CSMD2: variants seen among roughly 807,000 people sequenced by gnomAD.
CSMD2 encodes the protein CUB and sushi domain-containing protein 2.
CSMD2 carries 130 observed loss-of-function variants against 398.5 expected under a neutral mutation model. That is an observed-to-expected ratio of 0.33 (90% CI 0.28 to 0.38). CSMD2 has a LOEUF of 0.38. CSMD2 is among the 10% of genes least tolerant of loss of function. The probability of loss-of-function intolerance (pLI) is 1.00; values close to 1 mark genes in which losing one functional copy is unlikely to be tolerated. For missense variants in CSMD2, 3,829 were observed against 4,764.9 expected (o/e 0.80, Z 5.78); for synonymous variants, 1,828 against 1,908.5 (o/e 0.96, Z 1.10).
At chr1:33,657,869 G>C in intron 27 of CSMD2, 77 bp downstream of exon 27, 1 of 1,380,578 alleles carries the variant, frequency 7.2e-7, no homozygotes, top group East Asian at 2.3e-5. Context: ...CCAAGATGCA[G>C]CTGCTGTGCA....
intron 28 of CSMD2, 122 bp downstream of exon 28, chr1:33,652,201 C>T (rs946143764): frequency 2.4e-5 from 24 of 1,012,356 alleles, no homozygotes; most frequent in Non-Finnish European, 3.6e-5. Context: ...CTCTCGGCTT[C>T]TTCACCTCCC....
chr1:33,748,504 T>C (rs1182183217), intron 13 of CSMD2, among the ~76,000 whole-genome samples: 4 of 152,214 alleles, frequency 2.6e-5, no homozygotes, highest in Non-Finnish European at 4.4e-5. Context: ...CTGTGCATTA[T>C]ATTAGGTTAT....
chr1:34,162,174 CAAAAA>C (rs35659871), intron 1 of CSMD2, among the ~76,000 whole-genome samples: 3 of 46,986 alleles, frequency 6.4e-5, no homozygotes, highest in African/African-American at 2.4e-4. Flanking sequence ...AACTCCCTCT[CAAAAA>C]AAAAAAAAAA....
chr1:34,038,403 T>C (rs191694913), intron 2 of CSMD2, among the ~76,000 whole-genome samples: 18 of 152,308 alleles, frequency 1.2e-4, no homozygotes, highest in African/African-American at 4.3e-4. Flanking sequence ...TGCAAACAGG[T>C]GGCATAGCCA....
At chr1:34,125,507 CTGTGTGTGTGTGTG>C (rs35436778) in intron 1 of CSMD2, among the ~76,000 whole-genome samples, 1,578 of 141,190 alleles carry the variant, frequency 0.011, 25 homozygotes, top group African/African-American at 0.035. Context: ...TCAACCTTGG[CTGTGTGTGTGTGTG>C]TGTGTGTGTG....
intron 68 of CSMD2, 65 bp from the exon 69 acceptor site, chr1:33,520,015 T>C: frequency 8.3e-6 from 13 of 1,572,738 alleles, no homozygotes; most frequent in Non-Finnish European, 8.7e-7. Flanking sequence ...TTGGCTACCC[T>C]CCCCGACTAT....
At chr1:34,055,022 G>A (rs576335176) in intron 2 of CSMD2, among the ~76,000 whole-genome samples, 2 of 152,228 alleles carry the variant, frequency 1.3e-5, no homozygotes, top group East Asian at 3.9e-4. Flanking sequence ...CACCCACACA[G>A]GAAATAAAAC....
intron 1 of CSMD2, among the ~76,000 whole-genome samples, chr1:34,104,068 C>T (rs1164655256): frequency 3.3e-5 from 5 of 152,164 alleles, no homozygotes; most frequent in Non-Finnish European, 7.3e-5. Flanking sequence ...CAGAACCTGG[C>T]ACAGCAAACA....
At chr1:33,792,350 G>T in intron 11 of CSMD2, 73 bp downstream of exon 11, 2 of 972,034 alleles carry the variant, frequency 2.1e-6, no homozygotes, top group Non-Finnish European at 3.4e-6. Flanking sequence ...GACCAGGCAG[G>T]ACTCCACAAA....
chr1:33,779,273 G>T (rs1652394609), intron 12 of CSMD2, among the ~76,000 whole-genome samples: 1 of 152,132 alleles, frequency 6.6e-6, no homozygotes, highest in Non-Finnish European at 1.5e-5. Context: ...CTGTAGGGAG[G>T]TAGAATAGTG....
At chr1:33,763,845 C>T (rs1430177557) in intron 13 of CSMD2, among the ~76,000 whole-genome samples, 1 of 152,144 alleles carries the variant, frequency 6.6e-6, no homozygotes, top group Non-Finnish European at 1.5e-5. Context: ...TTGTGAGAAG[C>T]CCAGCATACA....
At chr1:33,933,074 A>C (rs1558124629) in intron 4 of CSMD2, among the ~76,000 whole-genome samples, 1 of 152,222 alleles carries the variant, frequency 6.6e-6, no homozygotes, top group Non-Finnish European at 1.5e-5. Context: ...TTTCATTTTA[A>C]GTCATTTGCA....
intron 5 of CSMD2, among the ~76,000 whole-genome samples, chr1:33,906,123 C>T (rs918645243): frequency 6.6e-6 from 1 of 152,188 alleles, no homozygotes; most frequent in African/African-American, 2.4e-5. Flanking sequence ...AGAGCCACTC[C>T]CACTGGTCCA....
chr1:33,742,664 G>A (rs1647119612), intron 14 of CSMD2, among the ~76,000 whole-genome samples: 1 of 148,812 alleles, frequency 6.7e-6, no homozygotes, highest in African/African-American at 2.5e-5. Flanking sequence ...TAGAGAAGGG[G>A]CCCAGGATTG....
At chr1:34,048,112 G>C (rs534957102) in intron 2 of CSMD2, among the ~76,000 whole-genome samples, 34 of 152,024 alleles carry the variant, frequency 2.2e-4, no homozygotes, top group Non-Finnish European at 4.1e-4. Flanking sequence ...AAATGGGGAA[G>C]GAAGCTTTGA....
intron 4 of CSMD2, among the ~76,000 whole-genome samples, chr1:33,919,451 C>CTAA (rs1367394548): frequency 2.6e-5 from 4 of 152,216 alleles, no homozygotes; most frequent in Non-Finnish European, 5.9e-5. Context: ...ACTATTCTTA[C>CTAA]TAATGTTCTT....
intron 1 of CSMD2, among the ~76,000 whole-genome samples, chr1:34,114,415 AGGCT>A (rs1375846472): frequency 5.3e-5 from 8 of 152,166 alleles, no homozygotes; most frequent in Non-Finnish European, 1.0e-4. Flanking sequence ...GGAAGAAAAT[AGGCT>A]GAGCACAGTG....
At chr1:34,075,765 A>G (rs1656256096) in intron 2 of CSMD2, among the ~76,000 whole-genome samples, 1 of 152,230 alleles carries the variant, frequency 6.6e-6, no homozygotes, top group Non-Finnish European at 1.5e-5. Flanking sequence ...GCAATGCAAT[A>G]GGATGTCTGC....
chr1:33,557,893 C>T lies in CSMD2; in HGVS notation c.8584G>A (p.Glu2862Lys), dbSNP rs946633974. Residue 2862 changes from glutamate to lysine, a missense_variant, in exon 55 of 71, where the codon GAA (glutamate) becomes AAA (lysine). Glu to Lys is a moderately conservative substitution (Grantham distance 56). Around this residue, in one of 5 missense-constraint regions of CSMD2, gnomAD observed 917 missense variants for 1,199.5 expected, o/e 0.76. Transcript: ENST00000373381. ...IINCTDPGHQ[E>K]NSVRQVHASG... ...GCGTGGACCTGACGAACACTATTTT[C>T]TTGGTGTCCAGGATCTGTACAGTTG... 37 of 1,536,078 alleles carry T rather than the reference C, an allele frequency of 2.4e-5. 1 individual carries two copies. Among genetic ancestry groups the T allele is most frequent in the Non-Finnish European group, 3.1e-5 (35 of 1,146,934 alleles).
Sources: allele counts gnomAD v4.1 joint callset (sites outside exome capture counted in the v4.1 genomes callset), GRCh38; gene constraint gnomAD v4.1.1; regional missense constraint gnomAD v4.1.1; transcripts MANE v1.5; gene names NCBI Gene and HGNC (gene_info 2026-07-23, HGNC 2026-07-21).